The following RAI14 variants were observed in gnomAD, a reference collection of about 807,000 sequenced individuals.
RAI14 encodes retinoic acid induced 14, also known as ankycorbin.
Under a neutral mutation model 115.4 loss-of-function variants are expected in RAI14, and 45 were observed. That is an observed-to-expected ratio of 0.39 (90% CI 0.31 to 0.50). The LOEUF (loss-of-function observed/expected upper bound fraction) is 0.50, where lower values mean the gene tolerates loss of function less well. Among genes scored for constraint, RAI14 ranks in the 20% least tolerant of loss-of-function variants. The pLI, the probability that RAI14 is intolerant of heterozygous loss-of-function variation, is 0.85. For synonymous variants in RAI14, 371 were observed against 415.4 expected (o/e 0.89, Z 1.30); for missense variants, 939 against 1,131.2 (o/e 0.83, Z 2.44).
chr5:34,733,597 C>G (rs1272079967), intron 2 of RAI14, among the ~76,000 whole-genome samples: 1 of 152,194 alleles, frequency 6.6e-6, no homozygotes, highest in Non-Finnish European at 1.5e-5. Context: ...CCTAGAGCAT[C>G]TGGACCCTTC....
At chr5:34,798,506 G>A (rs1336850511) in intron 4 of RAI14, among the ~76,000 whole-genome samples, 1 of 151,978 alleles carries the variant, frequency 6.6e-6, no homozygotes, top group East Asian at 1.9e-4. Context: ...ATTTTTACAT[G>A]CCTGAGATCA....
rs71600953 is a variant in RAI14 at position 34,752,703 on chromosome 5, A to ATGTGTG, written c.37-4723_37-4718dup. ...AGAAATATCTATATTTCTTACATAT[A>ATGTGTG]TGTGTGTGTGTGTGTGTGTGTGTGT... is the stretch of plus-strand genomic sequence containing the variant. On this transcript the variant is annotated intron_variant, in intron 2 of 17. Transcript: ENST00000265109. Among the ~76,000 whole-genome samples, 106 of 83,006 alleles carry ATGTGTG rather than the reference A, an allele frequency of 1.3e-3. 2 individuals carry two copies. The highest frequency in any genetic ancestry group is 6.5e-3 in the Admixed American group (55 of 8,484). The allele number at this position is 83,006 out of a possible 152,430, so 54.5% of individuals were successfully genotyped here.
intron 2 of RAI14, among the ~76,000 whole-genome samples, chr5:34,715,210 A>T (rs1741846464): frequency 6.6e-6 from 1 of 152,264 alleles, no homozygotes; most frequent in Non-Finnish European, 1.5e-5. Context: ...AATTCCTGGA[A>T]GGTGGTGGAG....
In RAI14 at chr5:34,812,188, A is replaced by AC. The variant is rs771445668; in HGVS notation, c.749dup (p.Thr251AsnfsTer7). ...CACTTTTTCCTCTATAGATTTAAAG[A>AC]CCCCAACAAAACCAAAGCAGGTATT... On this transcript the variant is annotated frameshift_variant, in exon 10 of 18. Transcript: ENST00000265109. LOFTEE classifies it high-confidence loss of function. The AC allele has an allele frequency of 1.3e-6, 2 of 1,581,902 alleles. No individual in the cohort carries two copies. The highest frequency in any genetic ancestry group is 1.7e-5 in the Admixed American group (1 of 58,308).
At chr5:34,725,979 G>A (rs71615822) in intron 2 of RAI14, among the ~76,000 whole-genome samples, 13,585 of 122,744 alleles carry the variant, frequency 0.11, 807 homozygotes, top group Middle Eastern at 0.26. Flanking sequence ...AAAAAAAAAA[G>A]CCACAAATAC....
chr5:34,709,582 A>C (rs972756588), intron 2 of RAI14, among the ~76,000 whole-genome samples: 1 of 152,344 alleles, frequency 6.6e-6, no homozygotes, highest in East Asian at 1.9e-4. Flanking sequence ...GACATTTGGA[A>C]AAAAACAAAT....
chr5:34,680,170 G>A (rs1262488548), intron 1 of RAI14, among the ~76,000 whole-genome samples: 1 of 152,192 alleles, frequency 6.6e-6, no homozygotes, highest in Non-Finnish European at 1.5e-5. Flanking sequence ...CAGACTGGGG[G>A]AGGGTCTTTC....
chr5:34,783,940 G>A (rs1751975757), intron 3 of RAI14, among the ~76,000 whole-genome samples: 1 of 152,212 alleles, frequency 6.6e-6, no homozygotes, highest in African/African-American at 2.4e-5. Flanking sequence ...CCCAGACAAA[G>A]TGAGAAAAGG....
chr5:34,743,842 G>A (rs907700187), intron 2 of RAI14, among the ~76,000 whole-genome samples: 5 of 152,086 alleles, frequency 3.3e-5, no homozygotes, highest in East Asian at 1.9e-4. Context: ...TAGCACTCAC[G>A]TAGAATTTAT....
chr5:34,783,323 C>T (rs561846997), intron 3 of RAI14, among the ~76,000 whole-genome samples: 1 of 152,140 alleles, frequency 6.6e-6, no homozygotes, highest in Non-Finnish European at 1.5e-5. Context: ...TCCTCCTCAG[C>T]GTCAGTCTTG....
chr5:34,775,558 C>T (rs1750730761), intron 3 of RAI14, among the ~76,000 whole-genome samples: 1 of 152,076 alleles, frequency 6.6e-6, no homozygotes. Flanking sequence ...CATGGGAGCC[C>T]TCATCTCTAT....
chr5:34,661,505 C>A (rs1487393841), intron 1 of RAI14, among the ~76,000 whole-genome samples: 2 of 152,002 alleles, frequency 1.3e-5, no homozygotes, highest in East Asian at 3.9e-4. Context: ...GTATGTGCAC[C>A]ATATCTCATA....
intron 5 of RAI14, among the ~76,000 whole-genome samples, chr5:34,804,501 T>C (rs933095380): frequency 1.3e-5 from 2 of 152,248 alleles, no homozygotes; most frequent in African/African-American, 4.8e-5. Context: ...GTCTGTTCTG[T>C]TGAACTGTTG....
intron 2 of RAI14, chr5:34,687,795 A>G (rs1738038379): frequency 3.3e-6 from 5 of 1,506,208 alleles, no homozygotes; most frequent in Non-Finnish European, 2.7e-6. Context: ...CCTGGATTTT[A>G]TTGCTTTGCC....
At chr5:34,663,619 G>C (rs775606238) in intron 1 of RAI14, among the ~76,000 whole-genome samples, 1 of 152,180 alleles carries the variant, frequency 6.6e-6, no homozygotes, top group Non-Finnish European at 1.5e-5. Flanking sequence ...AGCATGCCTT[G>C]TTCTTCAATT....
At chr5:34,732,748 T>C (rs187374189) in intron 2 of RAI14, among the ~76,000 whole-genome samples, 128 of 147,834 alleles carry the variant, frequency 8.7e-4, no homozygotes, top group African/African-American at 3.1e-3. Flanking sequence ...TTAAAAGTCA[T>C]ATATATGTAT....
rs139033670 is a variant in RAI14, at chr5:34,814,719, T to G, written c.939+50T>G. On this transcript the variant is annotated intron_variant, in intron 12 of 17. Coordinates refer to ENST00000265109, the MANE Select transcript of RAI14 (RefSeq NM_015577.3). ...TGTTACTGTATTTTAAGATACATGA[T>G]AGACTTGCTTTAAGTTATATAACAC... The G allele has an allele frequency of 3.1e-4, 421 of 1,374,062 alleles. 2 individuals are homozygous for G. The African/African-American group carries it at 4.5e-3, about 15-fold the overall frequency. 85.1% of individuals were successfully genotyped at this position (1,374,062 alleles called of 1,614,324 possible).
chr5:34,832,289 G>A lies in RAI14; in HGVS notation c.*1524G>A, dbSNP rs1416460949. 6.6e-6 allele frequency: 1 copy of A among 152,576 alleles called. No individual in the cohort carries two copies. The highest frequency in any genetic ancestry group is 6.5e-5 in the Admixed American group (1 of 15,272). 9.5% of individuals were successfully genotyped at this position (152,576 alleles called of 1,614,324 possible). On this transcript the variant is annotated 3_prime_UTR_variant, in exon 18 of 18. Coordinates refer to ENST00000265109, the MANE Select transcript of RAI14 (RefSeq NM_015577.3). ...AAAGCAAAAATGGCTTTAAAGCTTGGTGTTACTTTTCTTAAGTTGTTTAAT... is the reference window on the plus strand; with the variant it reads ...AAAGCAAAAATGGCTTTAAAGCTTGATGTTACTTTTCTTAAGTTGTTTAAT...
chr5:34,794,106 A>G (rs933915523), intron 3 of RAI14, among the ~76,000 whole-genome samples: 12 of 152,198 alleles, frequency 7.9e-5, no homozygotes, highest in Non-Finnish European at 1.8e-4. Context: ...GTTAAGCTAT[A>G]TTGAATGAGG....
Sources: gnomAD v4.1 joint callset for allele counts (sites outside exome capture counted in the v4.1 genomes callset) on GRCh38, gnomAD v4.1.1 for gene constraint, MANE v1.5 for transcripts, NCBI Gene and HGNC (gene_info 2026-07-23, HGNC 2026-07-21) for gene names.